The following LRRC37A2 variants were observed in gnomAD, a reference collection of about 807,000 sequenced individuals.
LRRC37A2 encodes the protein leucine-rich repeat-containing protein 37A2.
LRRC37A2 carries 9 observed loss-of-function variants against 68.8 expected under a neutral mutation model. That is an observed-to-expected ratio of 0.13 (90% CI 0.08 to 0.23). The LOEUF (loss-of-function observed/expected upper bound fraction) is 0.23, where lower values mean the gene tolerates loss of function less well. Among genes scored for constraint, LRRC37A2 ranks in the 10% least tolerant of loss-of-function variants. The pLI, the probability that LRRC37A2 is intolerant of heterozygous loss-of-function variation, is 1.00. For synonymous variants in LRRC37A2, 63 were observed against 367.6 expected, an observed-to-expected ratio of 0.17 and a Z score of 9.48; for missense variants, 168 against 950.4, an observed-to-expected ratio of 0.18 and a Z score of 10.82.
chr17:46,927,116 C>T, the LRRC37A2 span, among the ~76,000 whole-genome samples: 278 of 152,240 alleles, frequency 1.8e-3, no homozygotes, highest in African/African-American at 6.6e-3. Flanking sequence ...GAAATGTGAT[C>T]TCATTGCTTT....
the LRRC37A2 span, chr17:47,005,601 A>C: frequency 6.6e-6 from 1 of 151,988 alleles, no homozygotes; most frequent in East Asian, 1.9e-4. Flanking sequence ...AACAAGCAAA[A>C]CCTCATGGTT....
the LRRC37A2 span, among the ~76,000 whole-genome samples, chr17:46,493,899 T>C: frequency 6.6e-6 from 1 of 151,060 alleles, no homozygotes; most frequent in Non-Finnish European, 1.5e-5. Context: ...TGGCATGATC[T>C]TGGCTCACTG....
At chr17:46,846,842 G>A in the LRRC37A2 span, among the ~76,000 whole-genome samples, 6 of 152,222 alleles carry the variant, frequency 3.9e-5, no homozygotes, top group Admixed American at 3.3e-4. Context: ...GTGCCATGGG[G>A]AGTGGTGAGC....
chr17:46,881,975 T>C, the LRRC37A2 span, among the ~76,000 whole-genome samples: 5 of 152,132 alleles, frequency 3.3e-5, no homozygotes, highest in East Asian at 3.9e-4. Flanking sequence ...ACTTCCCCAA[T>C]TGTCCCTCAA....
the LRRC37A2 span, among the ~76,000 whole-genome samples, chr17:46,733,717 A>G: frequency 1.3e-5 from 2 of 152,236 alleles, no homozygotes; most frequent in African/African-American, 2.4e-5. Flanking sequence ...TAGTCCAGGT[A>G]TAACTCATTT....
rs1474430948 is a variant in LRRC37A2 at position 46,544,979 on chromosome 17, C to T, written c.3054-1276C>T. 2.8e-5 allele frequency among the ~76,000 whole-genome samples: 4 copies of T among 140,362 alleles called. No homozygotes were observed. The East Asian group carries it at 8.5e-4, about 30-fold the overall frequency. The allele number at this position is 140,362 out of a possible 152,430, so 92.1% of individuals were successfully genotyped here. On this transcript the variant is annotated intron_variant, in intron 8 of 14. Transcript: ENST00000576629. Reference sequence around the variant, plus strand: ...AAGATAGTTGTCTTGTAAATTGTCCCACAATCCAGATTTGTCTGTTTCCTC... The same window carrying T: ...AAGATAGTTGTCTTGTAAATTGTCCTACAATCCAGATTTGTCTGTTTCCTC...
chr17:46,474,791 A>AGT, the LRRC37A2 span, among the ~76,000 whole-genome samples: 5 of 79,318 alleles, frequency 6.3e-5, no homozygotes, highest in East Asian at 1.2e-3. Context: ...CTTCTGGGAC[A>AGT]GTCTTCTCAC....
chr17:46,854,481 C>A, the LRRC37A2 span, among the ~76,000 whole-genome samples: 42 of 152,310 alleles, frequency 2.8e-4, 1 homozygote, highest in South Asian at 8.7e-3. Flanking sequence ...AGAAGGATCT[C>A]TGGTCCAAAA....
At chr17:46,965,372 GGAGA>G in the LRRC37A2 span, among the ~76,000 whole-genome samples, 1 of 152,198 alleles carries the variant, frequency 6.6e-6, no homozygotes, top group Non-Finnish European at 1.5e-5. Flanking sequence ...GCTGGGACAA[GGAGA>G]GAGAAAGCTG....
the LRRC37A2 span, among the ~76,000 whole-genome samples, chr17:46,744,416 T>G: frequency 6.6e-5 from 10 of 152,224 alleles, no homozygotes; most frequent in Non-Finnish European, 1.5e-4. Flanking sequence ...GTTGCACTTT[T>G]AAACTCACTT....
chr17:46,884,653 A>G, the LRRC37A2 span, among the ~76,000 whole-genome samples: 3 of 152,126 alleles, frequency 2.0e-5, no homozygotes, highest in South Asian at 2.1e-4. Flanking sequence ...TCTCGTGTGC[A>G]TTGTTGTATT....
the LRRC37A2 span, chr17:46,923,339 C>A: frequency 6.5e-7 from 1 of 1,530,322 alleles, no homozygotes; most frequent in Non-Finnish European, 8.8e-7. Flanking sequence ...TCCGCCAGGG[C>A]ACTGCTGGGG....
the LRRC37A2 span, among the ~76,000 whole-genome samples, chr17:46,883,192 C>T: frequency 3.9e-5 from 6 of 152,056 alleles, no homozygotes; most frequent in Non-Finnish European, 7.4e-5. Flanking sequence ...CCACGTTAGC[C>T]AGGATGGTCT....
the LRRC37A2 span, among the ~76,000 whole-genome samples, chr17:46,903,580 C>T: frequency 1.3e-5 from 2 of 152,168 alleles, no homozygotes; most frequent in African/African-American, 2.4e-5. Context: ...CTGTCACTCT[C>T]ACTGGAAAAC....
At chr17:46,946,661 G>A in the LRRC37A2 span, among the ~76,000 whole-genome samples, 42,205 of 152,000 alleles carry the variant, frequency 0.28, 6,750 homozygotes, top group South Asian at 0.45. Flanking sequence ...CCAGGAGTTC[G>A]AGACCAGCCT....
At chr17:46,769,872 A>G in the LRRC37A2 span, 367 of 1,613,500 alleles carry the variant, frequency 2.3e-4, 1 homozygote, top group Non-Finnish European at 3.1e-4. Flanking sequence ...CTGGACACTA[A>G]CACGCCGAAG....
the LRRC37A2 span, chr17:46,940,745 C>T: frequency 6.4e-7 from 1 of 1,573,630 alleles, no homozygotes; most frequent in Non-Finnish European, 8.6e-7. Flanking sequence ...AACCCTCATG[C>T]TGCACCTTCA....
the LRRC37A2 span, among the ~76,000 whole-genome samples, chr17:46,709,493 A>ATT: frequency 7.0e-6 from 1 of 143,662 alleles, no homozygotes. Context: ...CCAGCCTATA[A>ATT]TTTTTTTTTT....
chr17:46,876,438 C>A, the LRRC37A2 span: 1 of 1,613,742 alleles, frequency 6.2e-7, no homozygotes, highest in African/African-American at 1.3e-5. Context: ...TGGGCCCCTG[C>A]CAGGCAGGGC....
Sources: gnomAD v4.1 joint callset for allele counts (sites outside exome capture counted in the v4.1 genomes callset) on GRCh38, gnomAD v4.1.1 for gene constraint, MANE v1.5 for transcripts, NCBI Gene and HGNC (gene_info 2026-07-23, HGNC 2026-07-21) for gene names.